The following NXN variants were observed in gnomAD, a reference collection of about 807,000 sequenced individuals.
NXN encodes nucleoredoxin 1.
Under a neutral mutation model 48.6 loss-of-function variants are expected in NXN, and 16 were observed. The ratio of observed to expected loss-of-function variants is 0.33; its 90% confidence interval spans 0.22 to 0.50. The LOEUF (loss-of-function observed/expected upper bound fraction) is 0.50. Ranked by LOEUF, NXN falls within the 20% of genes least tolerant of loss-of-function variation. The pLI, the probability that NXN is intolerant of heterozygous loss-of-function variation, is 0.98. For missense variants in NXN, 492 were observed against 605.5 expected (o/e 0.81, Z 1.97); for synonymous variants, 281 against 269.6 (o/e 1.04, Z -0.41).
In NXN at chr17:918,274, T is replaced by C. The variant is rs531613871; in HGVS notation, c.360+61045A>G. On this transcript the variant is annotated intron_variant, in intron 1 of 7. Coordinates refer to ENST00000336868, the MANE Select transcript of NXN (RefSeq NM_022463.5). ...GAACCCTGGGCCCAAAGGGGTCTGG[T>C]CTTGATTAAGATTATTTTCCTTTGT... Among the ~76,000 whole-genome samples the C allele has an allele frequency of 3.3e-5, 5 of 152,232 alleles. No individual in the cohort carries two copies. In the East Asian group the frequency reaches 9.7e-4, roughly 29 times the overall value.
intron 1 of NXN, among the ~76,000 whole-genome samples, chr17:850,358 C>T (rs777840001): frequency 1.5e-4 from 23 of 152,128 alleles, no homozygotes; most frequent in Middle Eastern, 3.2e-3. Context: ...ATGAGCTTCC[C>T]GGACCTCCTG....
intron 5 of NXN, among the ~76,000 whole-genome samples, chr17:812,930 G>A (rs1025360661): frequency 9.2e-5 from 14 of 151,660 alleles, no homozygotes; most frequent in African/African-American, 3.2e-4. Context: ...GTGTGCGTGT[G>A]TGAGTGTGCA....
chr17:914,746 G>A (rs901564576), intron 1 of NXN, among the ~76,000 whole-genome samples: 2 of 152,260 alleles, frequency 1.3e-5, no homozygotes, highest in East Asian at 1.9e-4. Flanking sequence ...AACAGGGAGC[G>A]TACCGTGATG....
chr17:954,313 G>A (rs1419544996), intron 1 of NXN, among the ~76,000 whole-genome samples: 1 of 152,098 alleles, frequency 6.6e-6, no homozygotes, highest in African/African-American at 2.4e-5. Context: ...TCTTGAAGGT[G>A]GAGGTTGCAG....
At chr17:829,258 C>T (rs914549023) in intron 1 of NXN, among the ~76,000 whole-genome samples, 2 of 151,456 alleles carry the variant, frequency 1.3e-5, no homozygotes, top group Non-Finnish European at 2.9e-5. Context: ...CCGGGTTCAA[C>T]GAATTCTCTG....
Position 803,757 on chromosome 17 carries a change from C to T in NXN, c.1050G>A (p.Pro350=), listed in dbSNP as rs551347236. Residue 350 remains proline (P), a synonymous_variant, in exon 7 of 8, where the codon CCG becomes CCA. Transcript: ENST00000336868. ...ESEAAKQLIQ[P]IAEKIIAKYK... Reference sequence around the variant, plus strand: ...ACTTGGCAATGATTTTCTCAGCTATCGGCTGAATCAGCTGCTTGGCCGCCT... The same window carrying T: ...ACTTGGCAATGATTTTCTCAGCTATTGGCTGAATCAGCTGCTTGGCCGCCT... 4.0e-5 allele frequency: 64 copies of T among 1,614,034 alleles called. No homozygotes were observed. The highest frequency in any genetic ancestry group is 7.7e-5 in the South Asian group (7 of 91,092).
chr17:812,917 G>GGTGT (rs201692293), intron 5 of NXN, among the ~76,000 whole-genome samples: 4 of 147,182 alleles, frequency 2.7e-5, no homozygotes, highest in Non-Finnish European at 4.5e-5. Context: ...TGTGACTGTA[G>GGTGT]GTGTGTGCGT....
intron 1 of NXN, among the ~76,000 whole-genome samples, chr17:875,242 G>C (rs1467200563): frequency 6.6e-6 from 1 of 151,968 alleles, no homozygotes; most frequent in Non-Finnish European, 1.5e-5. Flanking sequence ...ATGTTGGCCA[G>C]GCTGGTCTTG....
chr17:817,643 A>C (rs529372672), intron 5 of NXN, among the ~76,000 whole-genome samples: 1 of 149,146 alleles, frequency 6.7e-6, no homozygotes, highest in Admixed American at 6.7e-5. Flanking sequence ...CACTCCAGCC[A>C]GGGCGACAGA....
chr17:956,463 G>A lies in NXN; in HGVS notation c.360+22856C>T, dbSNP rs1376052454. On this transcript the variant is annotated intron_variant, in intron 1 of 7. Coordinates refer to ENST00000336868, the MANE Select transcript of NXN (RefSeq NM_022463.5). This position sits in a 1 kb window ranked among gnomAD's most constrained non-coding sequence, Gnocchi z 4.1. Reference sequence around the variant, plus strand: ...AGATTCTCTCTTGTCACCCAGGCTGGAGTGCAACGGCACAACCTCAGCTCA... The same window carrying A: ...AGATTCTCTCTTGTCACCCAGGCTGAAGTGCAACGGCACAACCTCAGCTCA... Among the ~76,000 whole-genome samples the A allele has an allele frequency of 6.6e-6, 1 of 151,996 alleles. No individual in the cohort carries two copies. The highest frequency in any genetic ancestry group is 1.5e-5 in the Non-Finnish European group (1 of 67,990).
chr17:947,552 G>A (rs2069057422), intron 1 of NXN, among the ~76,000 whole-genome samples: 1 of 151,932 alleles, frequency 6.6e-6, no homozygotes. Flanking sequence ...GGCCAACAAG[G>A]TGAAACCCCA....
chr17:959,567 C>T (rs1258338556), intron 1 of NXN, among the ~76,000 whole-genome samples: 2 of 151,710 alleles, frequency 1.3e-5, no homozygotes, highest in South Asian at 2.1e-4. Flanking sequence ...GAGGCTGAGG[C>T]GGGCAGATTA....
intron 1 of NXN, among the ~76,000 whole-genome samples, chr17:846,423 AAAAAAAAAGAAAAG>A (rs2067861864): frequency 2.0e-5 from 3 of 149,690 alleles, no homozygotes; most frequent in East Asian, 4.1e-4. Context: ...CAAAAAAAAA[AAAAAAAAAGAAAAG>A]AAAAAAGAAA....
intron 1 of NXN, among the ~76,000 whole-genome samples, chr17:972,743 G>T (rs1040973222): frequency 6.6e-6 from 1 of 152,004 alleles, no homozygotes; most frequent in Non-Finnish European, 1.5e-5. Context: ...TTAAAACGTA[G>T]AATCAGGGCC....
chr17:905,103 A>C (rs969674423), intron 1 of NXN: 10 of 152,142 alleles, frequency 6.6e-5, no homozygotes, highest in Admixed American at 6.5e-4. Context: ...CATTAAAATC[A>C]CTGGAATTAT....
rs2068106463 is a variant in NXN at position 867,547 on chromosome 17, T to G, written c.361-41469A>C. Among the ~76,000 whole-genome samples the G allele has an allele frequency of 2.6e-5, 4 of 152,314 alleles. No individual in the cohort carries two copies. In the South Asian group the frequency reaches 8.3e-4, roughly 32 times the overall value. ...ACACGAAAAGTTTTTTCTCAAAGCCTGGGAGAACAGTAGTTTGGCCTCTGA... is the reference window on the plus strand; with the variant it reads ...ACACGAAAAGTTTTTTCTCAAAGCCGGGGAGAACAGTAGTTTGGCCTCTGA... On this transcript the variant is annotated intron_variant, in intron 1 of 7. Coordinates refer to ENST00000336868, the MANE Select transcript of NXN (RefSeq NM_022463.5).
Position 856,568 on chromosome 17 carries a change from G to A in NXN, c.361-30490C>T, listed in dbSNP as rs549038207. Among the ~76,000 whole-genome samples the A allele has an allele frequency of 8.5e-5, 12 of 141,600 alleles. No individual in the cohort carries two copies. The East Asian group carries it at 2.1e-3, about 25-fold the overall frequency. The allele number at this position is 141,600 out of a possible 152,430, so 92.9% of individuals were successfully genotyped here. Reference sequence around the variant, plus strand: ...TGCAGTGGTGCAATCTCGGCTCACCGCAACCTCCGCCTCCCGGGTTCAAGT... The same window carrying A: ...TGCAGTGGTGCAATCTCGGCTCACCACAACCTCCGCCTCCCGGGTTCAAGT... On this transcript the variant is annotated intron_variant, in intron 1 of 7. Transcript: ENST00000336868.
chr17:805,020 T>TCCCC, intron 6 of NXN, 48 bp downstream of exon 6: 36 of 1,512,820 alleles, frequency 2.4e-5, no homozygotes, highest in Non-Finnish European at 2.8e-5. Context: ...GCCCCTCCTG[T>TCCCC]CCCGCCCCCC....
At chr17:949,697 C>G (rs940429603) in intron 1 of NXN, among the ~76,000 whole-genome samples, 2 of 130,840 alleles carry the variant, frequency 1.5e-5, no homozygotes, top group Non-Finnish European at 3.3e-5. Flanking sequence ...CCTCTCCCCC[C>G]TGCCTCCTCC....
Sources: allele counts gnomAD v4.1 joint callset (sites outside exome capture counted in the v4.1 genomes callset), GRCh38; gene constraint gnomAD v4.1.1; non-coding constraint Gnocchi (gnomAD v3.1); transcripts MANE v1.5; gene names NCBI Gene and HGNC (gene_info 2026-07-23, HGNC 2026-07-21).